CNTNAP5: variants seen among roughly 807,000 people sequenced by gnomAD.
CNTNAP5 encodes the protein contactin associated protein family member 5.
A neutral mutation model predicts 150.2 loss-of-function variants in CNTNAP5; 72 were observed. That is an observed-to-expected ratio of 0.48 (90% confidence interval 0.40 to 0.58). The LOEUF is 0.58. CNTNAP5 is among the 20% of genes least tolerant of loss of function. CNTNAP5 has a pLI of 0.00. For missense variants in CNTNAP5, 1,636 were observed against 1,626.2 expected (o/e 1.01, Z -0.10); for synonymous variants, 672 against 619.8 (o/e 1.08, Z -1.25).
At chr2:124,452,268 C>T (rs534859782) in intron 6 of CNTNAP5, among the ~76,000 whole-genome samples, 28 of 152,138 alleles carry the variant, frequency 1.8e-4, no homozygotes, top group African/African-American at 4.1e-4. Context: ...TGTGACTGCC[C>T]GCTTTGCCCA....
At chr2:124,606,253 C>A (rs1481940190) in intron 11 of CNTNAP5, among the ~76,000 whole-genome samples, 1 of 151,858 alleles carries the variant, frequency 6.6e-6, no homozygotes, top group Non-Finnish European at 1.5e-5. Flanking sequence ...AATTATTATA[C>A]AACTAGACTG....
intron 1 of CNTNAP5, among the ~76,000 whole-genome samples, chr2:124,107,762 G>A (rs1439103949): frequency 6.6e-6 from 1 of 152,200 alleles, no homozygotes; most frequent in Non-Finnish European, 1.5e-5. Flanking sequence ...TCAAGGTTAA[G>A]GATGCACATG....
At chr2:124,519,839 G>A (rs1369164515) in intron 8 of CNTNAP5, among the ~76,000 whole-genome samples, 1 of 152,162 alleles carries the variant, frequency 6.6e-6, no homozygotes, top group Non-Finnish European at 1.5e-5. Flanking sequence ...TCCTAGGAAA[G>A]CGCAGGGCAG....
chr2:124,139,448 G>A (rs1051573378), intron 1 of CNTNAP5, among the ~76,000 whole-genome samples: 20 of 152,092 alleles, frequency 1.3e-4, no homozygotes, highest in Admixed American at 6.6e-5. Context: ...AAGCAGGAGA[G>A]TAGTTCGCAC....
In CNTNAP5 at chr2:124,805,979, G is replaced by T. The variant is rs567166446; in HGVS notation, c.3217+7659G>T. 9.2e-5 allele frequency among the ~76,000 whole-genome samples: 14 copies of T among 152,258 alleles called. No homozygotes were observed. The South Asian group carries it at 2.9e-3, about 32-fold the overall frequency. ...TTACTTTGTTAGAGGCCTCCTTTCC[G>T]AATACAGCCACACTAGAGTTAGTCT... On this transcript the variant is annotated intron_variant, in intron 19 of 23. Coordinates refer to ENST00000682447, the MANE Select transcript of CNTNAP5 (RefSeq NM_001367498.1).
intron 22 of CNTNAP5, among the ~76,000 whole-genome samples, chr2:124,908,485 A>C (rs1558822265): frequency 6.6e-6 from 1 of 152,214 alleles, no homozygotes; most frequent in East Asian, 1.9e-4. Context: ...TACCATGTAA[A>C]GATAATGGTC....
chr2:124,731,593 G>C (rs1250285565), intron 13 of CNTNAP5, among the ~76,000 whole-genome samples: 1 of 151,644 alleles, frequency 6.6e-6, no homozygotes, highest in Non-Finnish European at 1.5e-5. Context: ...GAAGGAGGGA[G>C]AGAGAGACAA....
At chr2:124,059,406 GC>G (rs1184086510) in intron 1 of CNTNAP5, among the ~76,000 whole-genome samples, 2 of 151,998 alleles carry the variant, frequency 1.3e-5, no homozygotes, top group African/African-American at 2.4e-5. Flanking sequence ...TGCTTTTTCT[GC>G]CCAAAGGAAA....
intron 10 of CNTNAP5, 36 bp downstream of exon 10, chr2:124,527,492 C>G: frequency 6.5e-7 from 1 of 1,528,318 alleles, no homozygotes; most frequent in Non-Finnish European, 8.9e-7. Flanking sequence ...TCTGCCACCC[C>G]CTTCCCATTC....
At chr2:124,046,637 C>A (rs1681545497) in intron 1 of CNTNAP5, among the ~76,000 whole-genome samples, 1 of 152,040 alleles carries the variant, frequency 6.6e-6, no homozygotes, top group Admixed American at 6.6e-5. Flanking sequence ...ATGTTCCTAC[C>A]AGGTCAAGTT....
At chr2:124,030,617 G>A (rs1336686932) in intron 1 of CNTNAP5, among the ~76,000 whole-genome samples, 1 of 151,882 alleles carries the variant, frequency 6.6e-6, no homozygotes, top group Non-Finnish European at 1.5e-5. Flanking sequence ...CATGAGAGTA[G>A]CAGTTAGCAC....
At position 124,446,813 on chromosome 2, in the gene CNTNAP5, A is replaced by T. The variant is rs749319190; in HGVS notation, c.794A>T (p.Asp265Val). ...LPSATLGSLL[D>V]DQHWHSVLIE... ...TCTGCCACCCTGGGCAGCCTCCTGG[A>T]TGACCAGCACTGGCACTCGGTCCTC... Residue 265 changes from aspartate (D) to valine (V), a missense_variant, in exon 6 of 24, where the codon GAT (aspartate) becomes GTT (valine). By Grantham distance (152) the Asp-to-Val change is radical. Coordinates refer to ENST00000682447, the MANE Select transcript of CNTNAP5 (RefSeq NM_001367498.1). 3 of 1,613,882 alleles carry T rather than the reference A, an allele frequency of 1.9e-6. No homozygotes were observed. Among genetic ancestry groups the T allele is most frequent in the Non-Finnish European group, 2.5e-6 (3 of 1,179,834 alleles).
intron 3 of CNTNAP5, among the ~76,000 whole-genome samples, chr2:124,306,417 A>C (rs1255446223): frequency 6.6e-6 from 1 of 152,074 alleles, no homozygotes; most frequent in Non-Finnish European, 1.5e-5. Flanking sequence ...CCCCCCAAAT[A>C]AGTCTATGGA....
In CNTNAP5 at chr2:124,510,285, C is replaced by CTATATATCTATATA. The variant is rs1558933244; in HGVS notation, c.1327+5731_1327+5744dup. 6.3e-4 allele frequency among the ~76,000 whole-genome samples: 46 copies of CTATATATCTATATA among 73,284 alleles called. 7 individuals carry two copies. Among genetic ancestry groups the CTATATATCTATATA allele is most frequent in the East Asian group, 1.7e-3 (4 of 2,368 alleles). The allele number at this position is 73,284 out of a possible 152,430, so 48.1% of individuals were successfully genotyped here. On this transcript the variant is annotated intron_variant, in intron 8 of 23. Coordinates refer to ENST00000682447, the MANE Select transcript of CNTNAP5 (RefSeq NM_001367498.1). ...TATATCTATATATCTATATCTATAT[C>CTATATATCTATATA]TATATATCTATATATCTATATATAT... is the stretch of plus-strand genomic sequence containing the variant.
chr2:124,678,691 G>C (rs927672311), intron 13 of CNTNAP5, among the ~76,000 whole-genome samples: 1 of 151,832 alleles, frequency 6.6e-6, no homozygotes, highest in African/African-American at 2.4e-5. Context: ...GCCAGGAAAG[G>C]AATGCACCAT....
chr2:124,703,095 TTTCC>T (rs199812523), intron 13 of CNTNAP5, among the ~76,000 whole-genome samples: 2,141 of 148,620 alleles, frequency 0.014, 60 homozygotes, highest in African/African-American at 0.05. Context: ...TGAATTCAGC[TTTCC>T]TTCCTTCCTT....
intron 13 of CNTNAP5, among the ~76,000 whole-genome samples, chr2:124,649,460 G>A (rs1204119077): frequency 6.6e-6 from 1 of 152,140 alleles, no homozygotes; most frequent in Non-Finnish European, 1.5e-5. Flanking sequence ...TTTCGGTTTG[G>A]CCGAATTGTA....
intron 1 of CNTNAP5, among the ~76,000 whole-genome samples, chr2:124,181,720 G>T (rs934084165): frequency 1.3e-5 from 2 of 152,110 alleles, no homozygotes; most frequent in Admixed American, 1.3e-4. Flanking sequence ...CTAACAAATA[G>T]AAATCATGTA....
chr2:124,380,811 C>T (rs1690772974), intron 3 of CNTNAP5, among the ~76,000 whole-genome samples: 1 of 152,178 alleles, frequency 6.6e-6, no homozygotes, highest in African/African-American at 2.4e-5. Flanking sequence ...TCAAAACAGC[C>T]TGTGCCTTCA....
Sources: allele counts gnomAD v4.1 joint callset (sites outside exome capture counted in the v4.1 genomes callset), GRCh38; gene constraint gnomAD v4.1.1; transcripts MANE v1.5; gene names NCBI Gene and HGNC (gene_info 2026-07-23, HGNC 2026-07-21).